Variants in CACNB2 observed in about 807,000 individuals in gnomAD.
The protein encoded by CACNB2 is calcium voltage-gated channel auxiliary subunit beta 2, also known as voltage-dependent L-type calcium channel subunit beta-2.
CACNB2 carries 42 observed loss-of-function variants against 73.3 expected under a neutral mutation model. That is an observed-to-expected ratio of 0.57 (90% CI 0.45 to 0.74). The LOEUF is 0.74. CACNB2 is among the 30% of genes least tolerant of loss of function. The probability of loss-of-function intolerance (pLI) is 0.00; values close to 1 mark genes in which losing one functional copy is unlikely to be tolerated. For missense variants in CACNB2, 940 were observed against 853.0 expected (o/e 1.10, Z -1.27); for synonymous variants, 348 against 310.3 (o/e 1.12, Z -1.28).
At chr10:18,213,263 G>T (rs562706068) in intron 2 of CACNB2, among the ~76,000 whole-genome samples, 1 of 152,288 alleles carries the variant, frequency 6.6e-6, no homozygotes, top group East Asian at 1.9e-4. Flanking sequence ...AGGAAAGCAA[G>T]TCTTTAACCT....
At chr10:18,538,398 C>T in intron 13 of CACNB2, 33 bp downstream of exon 13, 1 of 1,582,898 alleles carries the variant, frequency 6.3e-7, no homozygotes, top group South Asian at 1.1e-5. Flanking sequence ...TCTATATATA[C>T]AATCTTCATA....
intron 3 of CACNB2, among the ~76,000 whole-genome samples, chr10:18,493,870 G>A (rs2049612536): frequency 6.6e-6 from 1 of 152,082 alleles, no homozygotes; most frequent in South Asian, 2.1e-4. Context: ...TAGCATCCTG[G>A]GGTCTTTTAT....
At chr10:18,536,242 C>CTTTTTTTTTTT in intron 12 of CACNB2, 46 bp downstream of exon 12, 1 of 281,290 alleles carries the variant, frequency 3.6e-6, no homozygotes, top group South Asian at 4.4e-5. Flanking sequence ...AGAGATCAGA[C>CTTTTTTTTTTT]CTTTTTTTTT....
At chr10:18,436,680 A>C (rs980766077) in intron 3 of CACNB2, among the ~76,000 whole-genome samples, 1 of 152,222 alleles carries the variant, frequency 6.6e-6, no homozygotes, top group Non-Finnish European at 1.5e-5. Context: ...TATACCTACA[A>C]AATGTTACTG....
chr10:18,401,962 C>G lies in CACNB2; in HGVS notation c.252C>G (p.Ser84=). Residue 84 remains serine, a synonymous_variant, in exon 3 of 14, where the codon TCC becomes TCG. Transcript: ENST00000324631. The stretch of plus-strand genomic sequence containing the variant: ...CCTACACTAGCCGTCCATCCGATTC[C>G]GATGTATCTCTGGAGGAGGACCGGG... The part of the protein sequence containing the change: ...ADSYTSRPSD[S]DVSLEEDREA... 6.2e-7 allele frequency: 1 copy of G among 1,613,914 alleles called. No homozygotes were observed. Among genetic ancestry groups the G allele is most frequent in the Non-Finnish European group, 8.5e-7 (1 of 1,179,816 alleles).
chr10:18,286,239 G>A (rs1168371337), intron 2 of CACNB2, among the ~76,000 whole-genome samples: 1 of 151,982 alleles, frequency 6.6e-6, no homozygotes, highest in African/African-American at 2.4e-5. Flanking sequence ...TTATGCTGCC[G>A]GGCGCAGTGG....
chr10:18,471,416 C>T (rs2048180954), intron 3 of CACNB2, among the ~76,000 whole-genome samples: 1 of 152,146 alleles, frequency 6.6e-6, no homozygotes, highest in South Asian at 2.1e-4. Flanking sequence ...TAAAGACTAC[C>T]CTTTTCCCTA....
At chr10:18,252,279 C>T (rs1239308658) in intron 2 of CACNB2, among the ~76,000 whole-genome samples, 1 of 152,202 alleles carries the variant, frequency 6.6e-6, no homozygotes, top group East Asian at 1.9e-4. Context: ...CATAAGTTTA[C>T]ACAATGTTCC....
chr10:18,443,513 GT>G (rs1272353474), intron 3 of CACNB2, among the ~76,000 whole-genome samples: 4 of 152,158 alleles, frequency 2.6e-5, no homozygotes, highest in Non-Finnish European at 5.9e-5. Context: ...TAAGGGGAAA[GT>G]GTAGACCCAA....
chr10:18,390,770 T>C (rs1289767302), intron 2 of CACNB2, among the ~76,000 whole-genome samples: 1 of 152,246 alleles, frequency 6.6e-6, no homozygotes, highest in Non-Finnish European at 1.5e-5. Flanking sequence ...CAACAGTCAC[T>C]CACACAATAT....
chr10:18,241,911 A>G (rs1654808289), intron 2 of CACNB2, among the ~76,000 whole-genome samples: 1 of 152,122 alleles, frequency 6.6e-6, no homozygotes, highest in Non-Finnish European at 1.5e-5. Context: ...AAGTGGATTG[A>G]TCATCTTGGT....
At chr10:18,233,211 A>C (rs1321740317) in intron 2 of CACNB2, among the ~76,000 whole-genome samples, 1 of 152,200 alleles carries the variant, frequency 6.6e-6, no homozygotes, top group Non-Finnish European at 1.5e-5. Flanking sequence ...TATTAGCATC[A>C]GCTCACCTGT....
At chr10:18,301,644 CT>C (rs377033277) in intron 2 of CACNB2, among the ~76,000 whole-genome samples, 76,529 of 143,552 alleles carry the variant, frequency 0.53, 20,381 homozygotes, top group Middle Eastern at 0.64. Context: ...GCCTTTCTCT[CT>C]TTTTTTTTTT....
intron 3 of CACNB2, among the ~76,000 whole-genome samples, chr10:18,493,901 G>A (rs929217342): frequency 9.2e-5 from 14 of 152,054 alleles, no homozygotes; most frequent in Non-Finnish European, 1.9e-4. Context: ...TCTGTCCCCC[G>A]CATCCCTTGA....
intron 9 of CACNB2, among the ~76,000 whole-genome samples, chr10:18,526,578 C>T (rs1019497886): frequency 3.9e-5 from 6 of 152,188 alleles, no homozygotes; most frequent in African/African-American, 1.2e-4. Context: ...TGCTTCACAG[C>T]TTTTTCCTAC....
Position 18,416,516 on chromosome 10 carries a change from A to C in CACNB2, c.333+14473A>C, listed in dbSNP as rs565396151. Among the ~76,000 whole-genome samples the C allele has an allele frequency of 2.6e-5, 4 of 152,296 alleles. No homozygotes were observed. In the South Asian group the frequency reaches 8.3e-4, roughly 32 times the overall value. On this transcript the variant is annotated intron_variant, in intron 3 of 13. Transcript: ENST00000324631. Reference sequence around the variant, plus strand: ...ACTGCAACCTCCACCTCCTGGGTTCAAAGGATTCTCCTGCCTCAGCCTCCT... The same window carrying C: ...ACTGCAACCTCCACCTCCTGGGTTCCAAGGATTCTCCTGCCTCAGCCTCCT...
At chr10:18,217,122 A>T (rs903073634) in intron 2 of CACNB2, among the ~76,000 whole-genome samples, 26 of 152,154 alleles carry the variant, frequency 1.7e-4, no homozygotes, top group African/African-American at 6.3e-4. Flanking sequence ...CCCTGTGTGC[A>T]CCCCAGGAAA....
At chr10:18,204,995 G>T (rs573599397) in intron 2 of CACNB2, among the ~76,000 whole-genome samples, 10 of 147,936 alleles carry the variant, frequency 6.8e-5, no homozygotes, top group African/African-American at 2.2e-4. Context: ...AAAAAAAAAG[G>T]TCTGGCTTTC....
At chr10:18,299,840 C>A (rs755730057) in intron 2 of CACNB2, among the ~76,000 whole-genome samples, 1 of 152,090 alleles carries the variant, frequency 6.6e-6, no homozygotes, top group African/African-American at 2.4e-5. Context: ...AGAGATGTCA[C>A]GAGAAAGAGC....
Sources: gnomAD v4.1 joint callset for allele counts (sites outside exome capture counted in the v4.1 genomes callset) on GRCh38, gnomAD v4.1.1 for gene constraint, MANE v1.5 for transcripts, NCBI Gene and HGNC (gene_info 2026-07-23, HGNC 2026-07-21) for gene names.